Variants in COG6 observed in about 807,000 individuals in gnomAD.
COG6 encodes the protein conserved oligomeric Golgi complex subunit 6.
A neutral mutation model predicts 88.8 loss-of-function variants in COG6; 74 were observed. The observed-to-expected ratio is 0.83, with a 90% CI of 0.69 to 1.01. The LOEUF (loss-of-function observed/expected upper bound fraction) is 1.01. Among genes scored for constraint, COG6 ranks in the 50% least tolerant of loss-of-function variants. The pLI is 0.00. For missense variants in COG6, 800 were observed against 797.9 expected, an observed-to-expected ratio of 1.00 and a Z score of -0.03; for synonymous variants, 286 against 278.7, an observed-to-expected ratio of 1.03 and a Z score of -0.26.
chr13:39,711,723 C>T (rs1878248948), intron 13 of COG6, among the ~76,000 whole-genome samples: 1 of 152,090 alleles, frequency 6.6e-6, no homozygotes, highest in Non-Finnish European at 1.5e-5. Flanking sequence ...TTTCACATTA[C>T]AAAATACTCA....
chr13:39,760,776 G>A (rs1183056940), intron 18 of COG6, among the ~76,000 whole-genome samples: 2 of 151,978 alleles, frequency 1.3e-5, no homozygotes, highest in African/African-American at 4.8e-5. Flanking sequence ...GTGTGATAAT[G>A]GTGGGGGAAG....
intron 18 of COG6, among the ~76,000 whole-genome samples, chr13:39,787,823 A>T (rs1167080472): frequency 1.3e-5 from 2 of 152,222 alleles, no homozygotes; most frequent in Non-Finnish European, 2.9e-5. Context: ...AGATTATTTA[A>T]AGTATTCGGG....
rs750264415 is a variant in COG6, at chr13:39,751,065, C to G, written c.1946C>G (p.Pro649Arg). The G allele has an allele frequency of 3.7e-6, 6 of 1,613,500 alleles. No individual in the cohort carries two copies. The South Asian group carries it at 4.4e-5, about 12-fold the overall frequency. ...CCAGAGAACATTCTTCACCGATCGC[C>G]GCAGCAAGTGCAGACGCTTCTTTCC... ...KDPENILHRS[P>R]QQVQTLLS The change falls in exon 19 of 19, where the codon CCG becomes CGG. Residue 649 changes from proline to arginine, a missense_variant. By Grantham distance (103) the Pro-to-Arg change is moderately radical (BLOSUM62 -2). Coordinates refer to ENST00000455146, the MANE Select transcript of COG6 (RefSeq NM_020751.3).
intron 15 of COG6, among the ~76,000 whole-genome samples, chr13:39,722,533 A>G (rs1878901509): frequency 1.3e-5 from 2 of 151,666 alleles, no homozygotes; most frequent in South Asian, 4.2e-4. Context: ...GTACTATGTC[A>G]TTAGCAAGCA....
Position 39,751,666 on chromosome 13 carries a change from G to A in COG6, c.*573G>A. On this transcript the variant is annotated 3_prime_UTR_variant, in exon 19 of 19. Transcript: ENST00000455146. ...GTATATGGCAGTGAATCTCCTTTCT[G>A]TTCTACTTTAGCATACTATATATAT... The A allele has an allele frequency of 7.8e-7, 1 of 1,286,814 alleles. No individual in the cohort carries two copies. The highest frequency in any genetic ancestry group is 1.0e-6 in the Non-Finnish European group (1 of 988,538). 79.7% of individuals were successfully genotyped at this position (1,286,814 alleles called of 1,614,324 possible).
intron 18 of COG6, among the ~76,000 whole-genome samples, chr13:39,742,079 G>T (rs949947477): frequency 6.6e-6 from 1 of 152,138 alleles, no homozygotes; most frequent in Non-Finnish European, 1.5e-5. Context: ...TACCAGGCCT[G>T]CCTTATAAGA....
At chr13:39,782,297 A>G (rs575788400) in intron 18 of COG6, among the ~76,000 whole-genome samples, 18 of 152,352 alleles carry the variant, frequency 1.2e-4, no homozygotes, top group Admixed American at 2.6e-4. Context: ...GAAAATCTGA[A>G]AAAACTATGA....
At chr13:39,665,243 C>T in intron 4 of COG6, 89 bp downstream of exon 4, 2 of 750,570 alleles carry the variant, frequency 2.7e-6, no homozygotes, top group Non-Finnish European at 4.8e-6. Flanking sequence ...AGAATTAAAG[C>T]AGAATAATAA....
At chr13:39,670,496 T>G (rs1014106566) in intron 4 of COG6, among the ~76,000 whole-genome samples, 3 of 152,036 alleles carry the variant, frequency 2.0e-5, no homozygotes, top group African/African-American at 7.2e-5. Flanking sequence ...AGATTTTTGA[T>G]TTTGTACAGT....
chr13:39,691,036 T>A (rs1349349553), intron 11 of COG6, among the ~76,000 whole-genome samples: 1 of 151,864 alleles, frequency 6.6e-6, no homozygotes, highest in Middle Eastern at 3.2e-3. Context: ...GATAAGTAAA[T>A]TTTACTTTAT....
rs9315724 is a variant in COG6 at position 39,687,385 on chromosome 13, A to G, written c.789-118A>G. ...TGAAAGCAATGTTGCTTGACCGAAT[A>G]TCTAAAGGAGCTTTAAGTGCTTTTT... On this transcript the variant is annotated intron_variant, in intron 8 of 18. Transcript: ENST00000455146. 670,240 of 891,814 alleles carry G rather than the reference A, an allele frequency of 0.75. 252,998 individuals carry two copies. Among genetic ancestry groups the G allele is most frequent in the Admixed American group, 0.84 (48,242 of 57,388 alleles). The allele number at this position is 891,814 out of a possible 1,614,324, so 55.2% of individuals were successfully genotyped here.
chr13:39,673,203 C>G (rs1875755791), intron 4 of COG6, among the ~76,000 whole-genome samples: 1 of 151,954 alleles, frequency 6.6e-6, no homozygotes, highest in Non-Finnish European at 1.5e-5. Context: ...TTCGTGATAT[C>G]ATTTATAGCA....
intron 13 of COG6, among the ~76,000 whole-genome samples, chr13:39,715,689 A>G (rs955604050): frequency 2.0e-5 from 3 of 152,062 alleles, no homozygotes; most frequent in Admixed American, 1.3e-4. Context: ...TATTAAATGT[A>G]TATTTATTTT....
intron 18 of COG6, among the ~76,000 whole-genome samples, chr13:39,776,126 A>G (rs1480148315): frequency 6.6e-6 from 1 of 152,198 alleles, no homozygotes; most frequent in Non-Finnish European, 1.5e-5. Flanking sequence ...ACGTAACTAT[A>G]TTTTAAAAGA....
At chr13:39,656,185 C>G (rs762823493) in intron 1 of COG6, 1 of 548,828 alleles carries the variant, frequency 1.8e-6, no homozygotes, top group East Asian at 4.4e-5. Context: ...CCAAACACCC[C>G]TGGAGGCGTT....
chr13:39,788,223 G>T, intron 18 of COG6: 1 of 1,106,222 alleles, frequency 9.0e-7, no homozygotes. Context: ...ATATGGTCCT[G>T]GATGAATATT....
chr13:39,696,911 T>C (rs1877307370), intron 12 of COG6, among the ~76,000 whole-genome samples: 1 of 148,604 alleles, frequency 6.7e-6, no homozygotes, highest in Non-Finnish European at 1.5e-5. Context: ...TGGTAAACAG[T>C]AGTTGATTTT....
chr13:39,670,947 A>G (rs1475207275), intron 4 of COG6, among the ~76,000 whole-genome samples: 2 of 152,098 alleles, frequency 1.3e-5, no homozygotes, highest in African/African-American at 4.8e-5. Context: ...GTAAAAGTAT[A>G]TTACAGAAGC....
rs1880687440 is a variant in COG6, at chr13:39,752,358, T to G, written c.*1265T>G. 1.1e-6 allele frequency: 1 copy of G among 888,094 alleles called. No homozygotes were observed. The highest frequency in any genetic ancestry group is 1.5e-5 in the South Asian group (1 of 64,802). 55.0% of individuals were successfully genotyped at this position (888,094 alleles called of 1,614,324 possible). On this transcript the variant is annotated 3_prime_UTR_variant, in exon 19 of 19. Coordinates refer to ENST00000455146, the MANE Select transcript of COG6 (RefSeq NM_020751.3). ...TATTTATCTGAAGTTTATAATTGTT[T>G]ATACCTAATACAGTTCTTTTTGGAG...
Sources: allele counts gnomAD v4.1 joint callset (sites outside exome capture counted in the v4.1 genomes callset), GRCh38; gene constraint gnomAD v4.1.1; transcripts MANE v1.5; gene names NCBI Gene and HGNC (gene_info 2026-07-23, HGNC 2026-07-21).